SCUBE1: variants seen among roughly 807,000 people sequenced by gnomAD.
SCUBE1 encodes the protein signal peptide, CUB and EGF-like domain-containing protein 1.
In SCUBE1, 59 loss-of-function variants were observed where a neutral mutation model predicts 124.4. The observed-to-expected ratio is 0.47, with a 90% CI of 0.38 to 0.59. The LOEUF (loss-of-function observed/expected upper bound fraction) is 0.59. Among genes scored for constraint, SCUBE1 ranks in the 20% least tolerant of loss-of-function variants. The probability of loss-of-function intolerance (pLI) is 0.00; values close to 1 mark genes in which losing one functional copy is unlikely to be tolerated. For missense variants in SCUBE1, 1,150 were observed against 1,371.2 expected (o/e 0.84, Z 2.55); for synonymous variants, 545 against 550.9 (o/e 0.99, Z 0.15).
In SCUBE1 at chr22:43,210,133, G is replaced by A; in HGVS notation, c.2491C>T (p.Pro831Ser). The A allele has an allele frequency of 1.2e-6, 2 of 1,612,772 alleles. No individual in the cohort carries two copies. The highest frequency in any genetic ancestry group is 1.7e-6 in the Non-Finnish European group (2 of 1,179,562). ...NAECVWHIAP[P>S]PKRRILIVVP... Reference sequence around the variant, plus strand: ...ACGATGAGGATCCTGCGCTTTGGGGGAGGCGCGATGTGCCAGACGCATTCA... The same window carrying A: ...ACGATGAGGATCCTGCGCTTTGGGGAAGGCGCGATGTGCCAGACGCATTCA... The change falls in exon 19 of 22, where the codon CCC (proline) becomes TCC (serine). Residue 831 changes from proline (P) to serine (S), a missense_variant. Pro to Ser is a moderately conservative substitution (Grantham distance 74). This residue lies in a region of SCUBE1 where 757 missense variants were observed against 840.9 expected (regional missense o/e 0.90). Coordinates refer to ENST00000360835, the MANE Select transcript of SCUBE1 (RefSeq NM_173050.5). This position sits in a 1 kb window ranked among gnomAD's most constrained non-coding sequence, Gnocchi z 4.5.
At chr22:43,247,178 G>T (rs745331802) in intron 6 of SCUBE1, among the ~76,000 whole-genome samples, 6 of 152,230 alleles carry the variant, frequency 3.9e-5, no homozygotes, top group Non-Finnish European at 7.3e-5. Flanking sequence ...TGGTGAAGAA[G>T]GAAAGGATGG....
intron 3 of SCUBE1, among the ~76,000 whole-genome samples, chr22:43,312,296 A>G (rs1926197848): frequency 6.6e-6 from 1 of 152,272 alleles, no homozygotes; most frequent in Non-Finnish European, 1.5e-5. Context: ...TGCAGTGGAG[A>G]TGTAACTGTG....
rs750515641 is a variant in SCUBE1, at chr22:43,262,895, A to G, written c.485-50T>C. 2.5e-5 allele frequency: 40 copies of G among 1,585,146 alleles called. No individual in the cohort carries two copies. In the South Asian group the frequency reaches 3.9e-4, roughly 16 times the overall value. On this transcript the variant is annotated intron_variant, in intron 4 of 21. Coordinates refer to ENST00000360835, the MANE Select transcript of SCUBE1 (RefSeq NM_173050.5). The stretch of plus-strand genomic sequence containing the variant: ...CGGGTTGAAGACCAGGCAGAGAGGG[A>G]GAGAGAAAATTTCAGGCTGAAAGGG...
At chr22:43,233,633 G>T (rs1382137543) in intron 7 of SCUBE1, 3 of 152,350 alleles carry the variant, frequency 2.0e-5, no homozygotes, top group Middle Eastern at 3.4e-3. Context: ...AGGTAAGTCT[G>T]CCCCCACTTT....
chr22:43,269,881 G>T (rs1402325739), intron 4 of SCUBE1, among the ~76,000 whole-genome samples: 1 of 152,180 alleles, frequency 6.6e-6, no homozygotes, highest in Non-Finnish European at 1.5e-5. Context: ...CAGCTGTAGG[G>T]TCGGGGCTGG....
chr22:43,236,297 C>T lies in SCUBE1; in HGVS notation c.844+2541G>A, dbSNP rs868042907. ...AGGCCACCGTCTGGTTTCTCAGGCT[C>T]CCTGAGGTGGTCCTGTGGGCAGTTC... On this transcript the variant is annotated intron_variant, in intron 7 of 21. Transcript: ENST00000360835. 3.3e-5 allele frequency among the ~76,000 whole-genome samples: 5 copies of T among 152,332 alleles called. No individual in the cohort carries two copies. The South Asian group carries it at 1.0e-3, about 32-fold the overall frequency.
At chr22:43,273,882 C>T in intron 4 of SCUBE1, among the ~76,000 whole-genome samples, 1 of 152,122 alleles carries the variant, frequency 6.6e-6, no homozygotes, top group Non-Finnish European at 1.5e-5. Context: ...TTAAAACTTT[C>T]TTTTGTAAGA....
At chr22:43,208,524 C>T (rs1328700052) in intron 19 of SCUBE1, among the ~76,000 whole-genome samples, 2 of 152,210 alleles carry the variant, frequency 1.3e-5, no homozygotes, top group South Asian at 2.1e-4. Context: ...TTATCACAGG[C>T]CCCTCTGTCA....
intron 4 of SCUBE1, among the ~76,000 whole-genome samples, chr22:43,290,190 T>C (rs975541998): frequency 6.6e-6 from 1 of 152,136 alleles, no homozygotes; most frequent in Non-Finnish European, 1.5e-5. Flanking sequence ...CCGCAAAAGC[T>C]GTTCTCTGCC....
At position 43,276,707 on chromosome 22, in the gene SCUBE1, G is replaced by A. The variant is rs533181329; in HGVS notation, c.485-13862C>T. Among the ~76,000 whole-genome samples, 302 of 152,346 alleles carry A rather than the reference G, an allele frequency of 2.0e-3. 1 individual carries two copies. Among genetic ancestry groups the A allele is most frequent in the African/African-American group, 6.8e-3 (283 of 41,590 alleles). On this transcript the variant is annotated intron_variant, in intron 4 of 21. Coordinates refer to ENST00000360835, the MANE Select transcript of SCUBE1 (RefSeq NM_173050.5). ...CCACAAACCCCAGGTGGGAAGCCAG[G>A]CTGTGGGCTACGGTGTAGGGGGTGG...
At chr22:43,208,299 C>T (rs1379822575) in intron 19 of SCUBE1, 75 bp from the exon 20 acceptor site, 3 of 1,412,720 alleles carry the variant, frequency 2.1e-6, no homozygotes, top group African/African-American at 1.4e-5. Flanking sequence ...GCCTCCCATC[C>T]AGTCCACCAC....
intron 20 of SCUBE1, 66 bp from the exon 21 acceptor site, chr22:43,207,679 C>A: frequency 8.1e-7 from 1 of 1,230,864 alleles, no homozygotes; most frequent in South Asian, 1.2e-5. Flanking sequence ...TCCCCTTTCA[C>A]CTCCAGCCTC....
chr22:43,327,104 C>A (rs1465654268), intron 2 of SCUBE1, among the ~76,000 whole-genome samples: 1 of 152,194 alleles, frequency 6.6e-6, no homozygotes, highest in African/African-American at 2.4e-5. Flanking sequence ...AATGAACAAT[C>A]ACGACGGTGG....
intron 21 of SCUBE1, among the ~76,000 whole-genome samples, chr22:43,206,037 ACACT>A (rs1174319816): frequency 2.3e-4 from 25 of 110,396 alleles, no homozygotes; most frequent in Non-Finnish European, 3.2e-4. Flanking sequence ...CACTCACCAC[ACACT>A]CACCCCCACA....
chr22:43,319,842 G>A (rs2859441), intron 3 of SCUBE1, 95 bp downstream of exon 3: 195,781 of 1,474,548 alleles, frequency 0.13, 14,297 homozygotes, highest in Admixed American at 0.21. Flanking sequence ...GAAGCCAAAG[G>A]AAGGAGAACC....
chr22:43,307,562 G>C lies in SCUBE1; in HGVS notation c.349+12375C>G, dbSNP rs139434560. Among the ~76,000 whole-genome samples, 876 of 152,236 alleles carry C rather than the reference G, an allele frequency of 5.8e-3. 3 individuals are homozygous for C. Among genetic ancestry groups the C allele is most frequent in the Non-Finnish European group, 8.4e-3 (573 of 68,012 alleles). Reference sequence around the variant, plus strand: ...TCACACGACCGCACTGCCAGGTCACGGGATGCTGGAAGGAGAAGGGCTCTG... The same window carrying C: ...TCACACGACCGCACTGCCAGGTCACCGGATGCTGGAAGGAGAAGGGCTCTG... On this transcript the variant is annotated intron_variant, in intron 3 of 21. Coordinates refer to ENST00000360835, the MANE Select transcript of SCUBE1 (RefSeq NM_173050.5).
chr22:43,280,473 TCCCTTCCCCTCACCCATCCCC>T (rs1924742595), intron 4 of SCUBE1, among the ~76,000 whole-genome samples: 14 of 52,742 alleles, frequency 2.7e-4, no homozygotes, highest in South Asian at 1.1e-3. Context: ...CATCCTCCCG[TCCCTTCCCCTCACCCATCCCC>T]GTCCCTTCCC....
chr22:43,245,102 A>G (rs916258), intron 6 of SCUBE1, among the ~76,000 whole-genome samples: 25,541 of 152,256 alleles, frequency 0.17, 2,287 homozygotes, highest in Admixed American at 0.25. Context: ...AGCCCCTGAC[A>G]CAGTGGCCCT....
chr22:43,206,632 G>A (rs1261873086), intron 21 of SCUBE1, among the ~76,000 whole-genome samples: 3 of 133,530 alleles, frequency 2.2e-5, no homozygotes, highest in Middle Eastern at 3.8e-3. Flanking sequence ...GCGGAAGGAT[G>A]GGGGGAAAGA....
Sources: gnomAD v4.1 joint callset for allele counts (sites outside exome capture counted in the v4.1 genomes callset) on GRCh38, gnomAD v4.1.1 for gene constraint, gnomAD v4.1.1 regional missense constraint, Gnocchi (gnomAD v3.1) non-coding constraint, MANE v1.5 for transcripts, NCBI Gene and HGNC (gene_info 2026-07-23, HGNC 2026-07-21) for gene names.